TTYH3: variants seen among roughly 807,000 people sequenced by gnomAD.
TTYH3 encodes protein tweety homolog 3.
TTYH3 carries 23 observed loss-of-function variants against 68.2 expected under a neutral mutation model. The ratio of observed to expected loss-of-function variants is 0.34; its 90% CI spans 0.24 to 0.48. The LOEUF (loss-of-function observed/expected upper bound fraction) is 0.48, where lower values mean the gene tolerates loss of function less well. Among genes scored for constraint, TTYH3 ranks in the 20% least tolerant of loss-of-function variants. TTYH3 has a pLI of 0.99. For synonymous variants in TTYH3, 360 were observed against 332.8 expected (o/e 1.08, Z -0.89); for missense variants, 768 against 727.7 (o/e 1.06, Z -0.64).
Position 2,639,230 on chromosome 7 carries a change from C to G in TTYH3, c.123+6952C>G, listed in dbSNP as rs376015992. Among the ~76,000 whole-genome samples, 6 of 152,214 alleles carry G rather than the reference C, an allele frequency of 3.9e-5. No homozygotes were observed. The East Asian group carries it at 1.2e-3, about 29-fold the overall frequency. On this transcript the variant is annotated intron_variant, in intron 1 of 13. Coordinates refer to ENST00000258796, the MANE Select transcript of TTYH3 (RefSeq NM_025250.3). ...CCACCTCTCGCCTGCCACGTCCTCC[C>G]GGAGCCCCGTGCTGCTGCCATACGC...
At position 2,649,581 on chromosome 7, in the gene TTYH3, G is replaced by C; in HGVS notation, c.737G>C (p.Gly246Ala). ...CTCTGCCCCAGGGTCTGCCTGCTGG[G>C]AGTCCTGGCCCTGGTCATCAGCTGG... ...KGILVGVCLL[G>A]VLALVISWGA... The change falls in exon 6 of 14, where the codon GGA becomes GCA. Residue 246 changes from glycine (G) to alanine (A), a missense_variant. Physicochemically the swap from Gly to Ala is moderately conservative, Grantham distance 60 (BLOSUM62 0). Coordinates refer to ENST00000258796, the MANE Select transcript of TTYH3 (RefSeq NM_025250.3). 1 of 1,592,148 alleles carries C rather than the reference G, an allele frequency of 6.3e-7. No individual in the cohort carries two copies. Among genetic ancestry groups the C allele is most frequent in the Non-Finnish European group, 8.5e-7 (1 of 1,175,026 alleles).
In TTYH3 at chr7:2,647,627, C is replaced by T. The variant is rs1157102831; in HGVS notation, c.615C>T (p.Tyr205=). The change falls in exon 4 of 14, where the codon TAC becomes TAT. Residue 205 remains tyrosine (Y), a synonymous_variant. Coordinates refer to ENST00000258796, the MANE Select transcript of TTYH3 (RefSeq NM_025250.3). ...TGCTGGCGGAGCAGGTGGATCTCTA[C>T]GACTGGTACAGGTGCGGCCAGGCCC... is the stretch of plus-strand genomic sequence containing the variant. ...LEVLAEQVDL[Y]DWYRWLGYLG... 8.9e-6 allele frequency: 14 copies of T among 1,569,864 alleles called. No individual in the cohort carries two copies. The highest frequency in any genetic ancestry group is 3.7e-5 in the Admixed American group (2 of 53,816).
chr7:2,659,600 G>A (rs1257623790), intron 13 of TTYH3, among the ~76,000 whole-genome samples: 2 of 152,336 alleles, frequency 1.3e-5, no homozygotes, highest in East Asian at 3.9e-4. Flanking sequence ...AGGGGACAGG[G>A]TGCCGAAGAG....
At chr7:2,646,377 G>A (rs1163097637) in intron 1 of TTYH3, among the ~76,000 whole-genome samples, 5 of 152,212 alleles carry the variant, frequency 3.3e-5, no homozygotes, top group Non-Finnish European at 2.9e-5. Flanking sequence ...CCTCCCTAGT[G>A]GGGCTGTGGC....
chr7:2,639,528 C>G (rs533874034), intron 1 of TTYH3, among the ~76,000 whole-genome samples: 1 of 152,354 alleles, frequency 6.6e-6, no homozygotes, highest in South Asian at 2.1e-4. Context: ...GCCGAGCTGT[C>G]TGTCCAAGCC....
chr7:2,652,336 C>T (rs1786205973), intron 8 of TTYH3, 94 bp downstream of exon 8: 2 of 1,111,310 alleles, frequency 1.8e-6, no homozygotes, highest in African/African-American at 1.5e-5. Context: ...CCTGGCTCCT[C>T]AGCCTGCAGG....
chr7:2,654,660 C>G (rs1786284416), intron 9 of TTYH3, among the ~76,000 whole-genome samples: 1 of 152,186 alleles, frequency 6.6e-6, no homozygotes, highest in African/African-American at 2.4e-5. Context: ...CATCTCACAG[C>G]TCTTGGCAGG....
At chr7:2,646,719 C>A in intron 1 of TTYH3, 134 bp from the exon 2 acceptor site, 6 of 975,084 alleles carry the variant, frequency 6.2e-6, no homozygotes, top group Non-Finnish European at 8.9e-6. Context: ...ACCTACAAGT[C>A]GGGGATGGGG....
rs1490393545 is a variant in TTYH3, at chr7:2,647,008, C to T, written c.279C>T (p.Ala93=). 1 of 1,576,048 alleles carries T rather than the reference C, an allele frequency of 6.3e-7. No individual in the cohort carries two copies. Among genetic ancestry groups the T allele is most frequent in the Non-Finnish European group, 8.6e-7 (1 of 1,165,436 alleles). The change falls in exon 2 of 14, where the codon GCC becomes GCT. Residue 93 remains alanine, a synonymous_variant. Coordinates refer to ENST00000258796, the MANE Select transcript of TTYH3 (RefSeq NM_025250.3). The part of the protein sequence containing the change: ...CCCTAWCVII[A]TLVCSAGIAV... ...GCACGGCCTGGTGTGTCATCATCGC[C>T]ACGCTGGTGTGCAGGTGAGCGCGGT...
chr7:2,647,969 T>A lies in TTYH3; in HGVS notation c.637T>A (p.Tyr213Asn), dbSNP rs1786047450. 2 of 1,608,762 alleles carry A rather than the reference T, an allele frequency of 1.2e-6. No homozygotes were observed. Among genetic ancestry groups the A allele is most frequent in the Non-Finnish European group, 1.7e-6 (2 of 1,179,868 alleles). The part of the protein sequence containing the change: ...DLYDWYRWLG[Y>N]LGLLLLDVII... ...CAGGTTTGCCTGCAGGTGGCTGGGC[T>A]ACCTGGGCCTGCTGCTGCTGGACGT... The change falls in exon 5 of 14, where the codon TAC becomes AAC. Residue 213 changes from tyrosine to asparagine, a missense_variant. Transcript: ENST00000258796.
intron 10 of TTYH3, 26 bp downstream of exon 10, chr7:2,656,210 C>T: frequency 1.3e-6 from 2 of 1,556,016 alleles, no homozygotes; most frequent in East Asian, 2.4e-5. Context: ...TGGGACAGGG[C>T]CATGGCAGCT....
chr7:2,656,552 G>T lies in TTYH3; in HGVS notation c.1250+18G>T. The T allele has an allele frequency of 6.3e-7, 1 of 1,594,334 alleles. No homozygotes were observed. The highest frequency in any genetic ancestry group is 8.5e-7 in the Non-Finnish European group (1 of 1,173,832). On this transcript the variant is annotated intron_variant, in intron 11 of 13. Coordinates refer to ENST00000258796, the MANE Select transcript of TTYH3 (RefSeq NM_025250.3). The stretch of plus-strand genomic sequence containing the variant: ...CAAAAGAGGTGAGGGGCCCTGGGGG[G>T]TCGCAGGAGCTTGCCCCAGGCCACA...
At chr7:2,637,134 G>A (rs1465023062) in intron 1 of TTYH3, among the ~76,000 whole-genome samples, 2 of 152,086 alleles carry the variant, frequency 1.3e-5, no homozygotes, top group Non-Finnish European at 2.9e-5. Flanking sequence ...CCTGAGACTC[G>A]AGGGCCAGCT....
intron 1 of TTYH3, among the ~76,000 whole-genome samples, chr7:2,641,077 G>A (rs1403287394): frequency 6.6e-6 from 1 of 152,146 alleles, no homozygotes; most frequent in Non-Finnish European, 1.5e-5. Flanking sequence ...CCTGGGTGTA[G>A]AGGCCACAGA....
Position 2,658,980 on chromosome 7 carries a change from A to C in TTYH3, c.1465A>C (p.Thr489Pro), listed in dbSNP as rs1583577622. ...TTTCCAGAACCCCCGCTGTGAGAAC[A>C]CCCCACTCATTGGGCGCGAGTCCCC... Reference protein sequence around the residue: ...ANFQNPRCENTPLIGRESPPP... With the variant: ...ANFQNPRCENPPLIGRESPPP... The change falls in exon 13 of 14, where the codon ACC (threonine) becomes CCC (proline). Residue 489 changes from threonine (T) to proline (P), a missense_variant. Coordinates refer to ENST00000258796, the MANE Select transcript of TTYH3 (RefSeq NM_025250.3). 1 of 1,613,860 alleles carries C rather than the reference A, an allele frequency of 6.2e-7. No homozygotes were observed.
intron 9 of TTYH3, among the ~76,000 whole-genome samples, chr7:2,655,885 C>T (rs1289416631): frequency 1.3e-5 from 2 of 152,292 alleles, no homozygotes; most frequent in East Asian, 1.9e-4. Context: ...GTAGACCCCA[C>T]GGGTCTGAGG....
intron 1 of TTYH3, among the ~76,000 whole-genome samples, chr7:2,636,195 G>T (rs1023755499): frequency 1.3e-5 from 2 of 152,234 alleles, no homozygotes; most frequent in African/African-American, 4.8e-5. Context: ...GTTGCAGCCT[G>T]GGGGGCAGTT....
intron 13 of TTYH3, chr7:2,660,367 G>T (rs980602562): frequency 1.0e-6 from 1 of 985,370 alleles, no homozygotes; most frequent in Non-Finnish European, 1.2e-6. Context: ...CCAGACCCCT[G>T]TATGTGCCCG....
intron 13 of TTYH3, among the ~76,000 whole-genome samples, 189 bp from the exon 14 acceptor site, chr7:2,661,479 G>A (rs1786494400): frequency 6.6e-6 from 1 of 152,122 alleles, no homozygotes; most frequent in Admixed American, 6.5e-5. Context: ...GCCAGACCTA[G>A]AGCGCAGGGG....
Sources: allele counts gnomAD v4.1 joint callset (sites outside exome capture counted in the v4.1 genomes callset), GRCh38; gene constraint gnomAD v4.1.1; transcripts MANE v1.5; gene names NCBI Gene and HGNC (gene_info 2026-07-23, HGNC 2026-07-21).